Variants in PDGFRB observed in about 807,000 individuals in gnomAD.
The protein encoded by PDGFRB is platelet derived growth factor receptor beta, also known as platelet-derived growth factor receptor beta.
Under a neutral mutation model 120.2 loss-of-function variants are expected in PDGFRB, and 42 were observed. The observed-to-expected ratio is 0.35, with a 90% CI of 0.27 to 0.45. PDGFRB has a LOEUF of 0.45. PDGFRB is among the 20% of genes least tolerant of loss of function. PDGFRB has a pLI of 1.00. For synonymous variants in PDGFRB, 586 were observed against 606.8 expected (o/e 0.97, Z 0.50); for missense variants, 1,149 against 1,476.3 (o/e 0.78, Z 3.63).
At chr5:150,154,450 G>T (rs1385291173) in intron 1 of PDGFRB, among the ~76,000 whole-genome samples, 1 of 152,208 alleles carries the variant, frequency 6.6e-6, no homozygotes, top group Non-Finnish European at 1.5e-5. Context: ...AACAGTCACT[G>T]CCTCTGGGGT....
intron 1 of PDGFRB, among the ~76,000 whole-genome samples, chr5:150,140,052 C>G (rs542788737): frequency 6.6e-6 from 1 of 152,126 alleles, no homozygotes; most frequent in South Asian, 2.1e-4. Context: ...GACGTGGAAC[C>G]CCAGGAGGTG....
rs762706138 is a variant in PDGFRB at position 150,124,801 on chromosome 5, T to C, written c.1838A>G (p.Gln613Arg). 6.2e-7 allele frequency: 1 copy of C among 1,607,788 alleles called. No individual in the cohort carries two copies. Among genetic ancestry groups the C allele is most frequent in the Non-Finnish European group, 8.5e-7 (1 of 1,175,944 alleles). Reference protein sequence around the residue: ...GRTLGSGAFGQVVEATAHGLS... With the variant: ...GRTLGSGAFGRVVEATAHGLS... ...GCCATGAGCCGTGGCCTCCACCACC[T>C]GCCCAAAGGCCCCAGAGCCGAGGGT... Residue 613 changes from glutamine (Q) to arginine (R), a missense_variant, in exon 13 of 23, where the codon CAG (glutamine) becomes CGG (arginine). Around this residue, in one of 3 missense-constraint regions of PDGFRB, gnomAD observed 879 missense variants for 1,108.6 expected, o/e 0.79. Transcript: ENST00000261799.
In PDGFRB at chr5:150,135,820, C is replaced by G; in HGVS notation, c.99G>C (p.Leu33=). Residue 33 remains leucine, a synonymous_variant, in exon 3 of 23, where the codon CTG becomes CTC. Transcript: ENST00000261799. The part of the protein sequence containing the change: ...LLLEPQISQG[L]VVTPPGPELV... ...GCTCTGGCCCCGGGGGTGTGACGAC[C>G]AGGCCCTGAGAGATCTGTGGTTCCA... 2.5e-6 allele frequency: 4 copies of G among 1,577,392 alleles called. No individual in the cohort carries two copies. Among genetic ancestry groups the G allele is most frequent in the Middle Eastern group, 1.7e-4 (1 of 5,856 alleles).
intron 10 of PDGFRB, 116 bp from the exon 11 acceptor site, chr5:150,126,730 C>T (rs1408556804): frequency 1.0e-5 from 7 of 694,236 alleles, no homozygotes; most frequent in South Asian, 9.2e-5. Flanking sequence ...GAAGCGCCCA[C>T]CTCCCCATCA....
At chr5:150,154,544 T>G (rs1273565413) in intron 1 of PDGFRB, among the ~76,000 whole-genome samples, 1 of 152,208 alleles carries the variant, frequency 6.6e-6, no homozygotes, top group Non-Finnish European at 1.5e-5. Context: ...AGTGGCAGCC[T>G]CTGTTAGGAG....
At position 150,120,743 on chromosome 5, in the gene PDGFRB, C is replaced by T; in HGVS notation, c.2586+145G>A. 1 of 759,140 alleles carries T rather than the reference C, an allele frequency of 1.3e-6. No homozygotes were observed. The highest frequency in any genetic ancestry group is 2.4e-5 in the Admixed American group (1 of 42,476). The allele number at this position is 759,140 out of a possible 1,614,324, so 47.0% of individuals were successfully genotyped here. On this transcript the variant is annotated intron_variant, in intron 18 of 22. Coordinates refer to ENST00000261799, the MANE Select transcript of PDGFRB (RefSeq NM_002609.4). The surrounding 1 kb of genome is among the most constrained non-coding windows in gnomAD (Gnocchi z 4.3). Reference sequence around the variant, plus strand: ...GTCCCTGCACACATAGCTGGGCAGGCACAGCCCATCACTGCTGTCAGGGCA... The same window carrying T: ...GTCCCTGCACACATAGCTGGGCAGGTACAGCCCATCACTGCTGTCAGGGCA...
At position 150,121,948 on chromosome 5, in the gene PDGFRB, C is replaced by T. The variant is rs761275855; in HGVS notation, c.2276G>A (p.Gly759Glu). ...CTCGATGTCTGCATATTTGACGTCT[C>T]CTTTCATGTCCAGCATGGGCACATA... ...VDYVPMLDMK[G>E]DVKYADIESS... Residue 759 changes from glycine (G) to glutamate (E), a missense_variant, in exon 16 of 23, where the codon GGA becomes GAA. Physicochemically the swap from Gly to Glu is moderately conservative, Grantham distance 98. This residue lies in a region of PDGFRB where 879 missense variants were observed against 1,108.6 expected (regional missense o/e 0.79). Coordinates refer to ENST00000261799, the MANE Select transcript of PDGFRB (RefSeq NM_002609.4). This position sits in a 1 kb window ranked among gnomAD's most constrained non-coding sequence, Gnocchi z 4.1. 3 of 1,613,394 alleles carry T rather than the reference C, an allele frequency of 1.9e-6. No individual in the cohort carries two copies. The highest frequency in any genetic ancestry group is 2.7e-5 in the African/African-American group (2 of 74,918).
intron 1 of PDGFRB, among the ~76,000 whole-genome samples, chr5:150,152,367 T>C (rs568250891): frequency 6.0e-4 from 92 of 152,272 alleles, no homozygotes; most frequent in South Asian, 1.9e-3. Context: ...TCCTGTTATA[T>C]CATCATGCTC....
intron 22 of PDGFRB, among the ~76,000 whole-genome samples, chr5:150,116,738 G>A (rs907048476): frequency 2.0e-5 from 3 of 152,168 alleles, no homozygotes; most frequent in African/African-American, 4.8e-5. Context: ...CTGTGTGAGC[G>A]CTGCACTTCA....
In PDGFRB at chr5:150,114,593, G is replaced by A. The variant is rs1402926015; in HGVS notation, c.*1170C>T. 2 of 233,512 alleles carry A rather than the reference G, an allele frequency of 8.6e-6. No homozygotes were observed. Among genetic ancestry groups the A allele is most frequent in the Admixed American group, 1.1e-4 (2 of 17,802 alleles). The allele number at this position is 233,512 out of a possible 1,614,324, so 14.5% of individuals were successfully genotyped here. On this transcript the variant is annotated 3_prime_UTR_variant, in exon 23 of 23. Transcript: ENST00000261799. ...ACTCTAAGTCAAGGCCTGTGCAGCT[G>A]TGTTCTTGAGACTTGCTGGGGGCCT...
Position 150,115,624 on chromosome 5 carries a change from G to C in PDGFRB, c.*139C>G. On this transcript the variant is annotated 3_prime_UTR_variant, in exon 23 of 23. Coordinates refer to ENST00000261799, the MANE Select transcript of PDGFRB (RefSeq NM_002609.4). ...AGCCCCAGGGTTTGGGGCACAACAC[G>C]TCAGGAGCAGAAAGCTTCCAGAAGG... The C allele has an allele frequency of 1.3e-6, 1 of 774,766 alleles. No homozygotes were observed. Among genetic ancestry groups the C allele is most frequent in the Admixed American group, 3.4e-5 (1 of 29,304 alleles). The allele number at this position is 774,766 out of a possible 1,614,324, so 48.0% of individuals were successfully genotyped here. A position where few individuals can be genotyped will look rare whatever the true frequency, so the allele number is the denominator to read the frequency against.
chr5:150,141,707 G>A, intron 1 of PDGFRB, among the ~76,000 whole-genome samples: 1 of 152,190 alleles, frequency 6.6e-6, no homozygotes, highest in East Asian at 1.9e-4. Context: ...TGGAGAGGGA[G>A]GTATGCACCT....
intron 22 of PDGFRB, among the ~76,000 whole-genome samples, chr5:150,117,278 T>G (rs1311812132): frequency 6.6e-6 from 1 of 152,090 alleles, no homozygotes; most frequent in African/African-American, 2.4e-5. Flanking sequence ...CTGGGGATGC[T>G]AAGTAGGTTT....
chr5:150,133,014 T>A, intron 6 of PDGFRB, 72 bp from the exon 7 acceptor site: 1 of 1,103,128 alleles, frequency 9.1e-7, no homozygotes, highest in South Asian at 1.5e-5. Context: ...GAGGCCAGCC[T>A]GTGGGGTGGG....
In PDGFRB at chr5:150,124,679, C is replaced by A. The variant is rs56298464; in HGVS notation, c.1912+48G>T. Reference sequence around the variant, plus strand: ...GAGAGGCTAAGTGTGTGGGGAGGGGCAGGGAGAGGTGAAGGCCCAGATGTG... The same window carrying A: ...GAGAGGCTAAGTGTGTGGGGAGGGGAAGGGAGAGGTGAAGGCCCAGATGTG... On this transcript the variant is annotated intron_variant, in intron 13 of 22. Coordinates refer to ENST00000261799, the MANE Select transcript of PDGFRB (RefSeq NM_002609.4). 1.1e-3 allele frequency: 999 copies of A among 880,496 alleles called. 13 individuals are homozygous for A. The African/African-American group carries it at 0.014, about 12-fold the overall frequency. 54.5% of individuals were successfully genotyped at this position (880,496 alleles called of 1,614,324 possible).
intron 1 of PDGFRB, among the ~76,000 whole-genome samples, chr5:150,149,911 C>T (rs1259345983): frequency 1.3e-5 from 2 of 152,174 alleles, no homozygotes. Flanking sequence ...AAAACAGTCA[C>T]AAGAAGCATG....
intron 1 of PDGFRB, among the ~76,000 whole-genome samples, chr5:150,142,404 G>T (rs1292091373): frequency 6.6e-6 from 1 of 152,194 alleles, no homozygotes; most frequent in East Asian, 1.9e-4. Context: ...TTCTCTGCAC[G>T]AGCCCAGCCA....
At chr5:150,151,330 G>A (rs1358433689) in intron 1 of PDGFRB, among the ~76,000 whole-genome samples, 4 of 152,188 alleles carry the variant, frequency 2.6e-5, no homozygotes, top group East Asian at 1.9e-4. Context: ...AACGATCTGT[G>A]CACAGTCCCA....
At position 150,120,121 on chromosome 5, in the gene PDGFRB, G is replaced by A. The variant is rs1018971802; in HGVS notation, c.2589C>T (p.Thr863=). The A allele has an allele frequency of 2.1e-6, 3 of 1,451,622 alleles. No homozygotes were observed. Among genetic ancestry groups the A allele is most frequent in the Non-Finnish European group, 2.9e-6 (3 of 1,031,070 alleles). 89.9% of individuals were successfully genotyped at this position (1,451,622 alleles called of 1,614,324 possible). A position where few individuals can be genotyped will look rare whatever the true frequency, so the allele number is the denominator to read the frequency against. The change falls in exon 19 of 23, where the codon ACC becomes ACT. Residue 863 remains threonine, a splice_region_variant and synonymous_variant. Transcript: ENST00000261799. The surrounding 1 kb of genome is among the most constrained non-coding windows in gnomAD (Gnocchi z 4.3). Reference sequence around the variant, plus strand: ...GAGCCATCCACTTTAAAGGCAAAAAGGTCTGTAGGGAGGTCAGGACAGGTG... The same window carrying A: ...GAGCCATCCACTTTAAAGGCAAAAAAGTCTGTAGGGAGGTCAGGACAGGTG... ...RDSNYISKGS[T]FLPLKWMAPE...
Sources: gnomAD v4.1 joint callset for allele counts (sites outside exome capture counted in the v4.1 genomes callset) on GRCh38, gnomAD v4.1.1 for gene constraint, gnomAD v4.1.1 regional missense constraint, Gnocchi (gnomAD v3.1) non-coding constraint, MANE v1.5 for transcripts, NCBI Gene and HGNC (gene_info 2026-07-23, HGNC 2026-07-21) for gene names.